Variants in RGS7 observed in about 807,000 individuals in gnomAD.
RGS7 encodes the protein regulator of G-protein signaling 7.
RGS7 carries 27 observed loss-of-function variants against 81.1 expected under a neutral mutation model. That is an observed-to-expected ratio of 0.33 (90% confidence interval 0.25 to 0.46). RGS7 has a LOEUF of 0.46. Ranked by LOEUF, RGS7 falls within the 20% of genes least tolerant of loss-of-function variation. The pLI is 1.00. For synonymous variants in RGS7, 208 were observed against 207.7 expected (o/e 1.00, Z -0.01); for missense variants, 396 against 607.4 (o/e 0.65, Z 3.66).
intron 2 of RGS7, among the ~76,000 whole-genome samples, chr1:241,156,713 G>A (rs983825034): frequency 6.6e-6 from 1 of 152,090 alleles, no homozygotes; most frequent in Non-Finnish European, 1.5e-5. Flanking sequence ...CCCAGCTGCA[G>A]AGAACTGCCT....
intron 3 of RGS7, among the ~76,000 whole-genome samples, chr1:241,079,612 T>A (rs951378609): frequency 6.6e-6 from 1 of 152,112 alleles, no homozygotes; most frequent in African/African-American, 2.4e-5. Flanking sequence ...GGAGCTCTTC[T>A]ACTTATGATT....
intron 3 of RGS7, among the ~76,000 whole-genome samples, chr1:241,076,480 G>A (rs1166625392): frequency 6.6e-6 from 1 of 152,118 alleles, no homozygotes; most frequent in East Asian, 1.9e-4. Context: ...CTGAACAGAC[G>A]ATCTGAAGCT....
intron 2 of RGS7, among the ~76,000 whole-genome samples, chr1:241,285,501 T>A (rs2078761565): frequency 6.6e-6 from 1 of 152,182 alleles, no homozygotes; most frequent in Non-Finnish European, 1.5e-5. Context: ...CAAGAGTCTG[T>A]CTTAGATATT....
At chr1:240,855,940 G>C (rs867584135) in intron 9 of RGS7, among the ~76,000 whole-genome samples, 1 of 152,010 alleles carries the variant, frequency 6.6e-6, no homozygotes, top group Non-Finnish European at 1.5e-5. Flanking sequence ...TTTATGACTA[G>C]AAAGGTTAAA....
intron 3 of RGS7, among the ~76,000 whole-genome samples, chr1:240,989,240 C>G (rs1686107058): frequency 6.6e-6 from 1 of 151,302 alleles, no homozygotes; most frequent in Non-Finnish European, 1.5e-5. Flanking sequence ...GAGATGGAGA[C>G]CATCCTGGCC....
chr1:241,248,150 C>T (rs1344895043), intron 2 of RGS7, among the ~76,000 whole-genome samples: 1 of 151,834 alleles, frequency 6.6e-6, no homozygotes, highest in African/African-American at 2.4e-5. Context: ...TATGATTTTA[C>T]CCTTTTTATG....
intron 2 of RGS7, among the ~76,000 whole-genome samples, chr1:241,299,841 C>T (rs184006022): frequency 2.1e-4 from 30 of 141,426 alleles, no homozygotes; most frequent in Non-Finnish European, 4.0e-4. Flanking sequence ...AAAGGCTGGG[C>T]ACAGTTGCTC....
chr1:241,130,873 T>C (rs1363666884), intron 2 of RGS7, among the ~76,000 whole-genome samples: 1 of 148,802 alleles, frequency 6.7e-6, no homozygotes, highest in East Asian at 2.0e-4. Flanking sequence ...CCATCTTTGA[T>C]GATATGTGTT....
At chr1:240,793,611 A>ATTTT (rs1205854418) in intron 18 of RGS7, among the ~76,000 whole-genome samples, 8 of 78,790 alleles carry the variant, frequency 1.0e-4, no homozygotes, top group South Asian at 4.2e-4. Context: ...ATATATATAT[A>ATTTT]TTTTTTTTTT....
intron 2 of RGS7, among the ~76,000 whole-genome samples, chr1:241,280,143 G>A (rs74339347): frequency 0.029 from 4,390 of 152,248 alleles, 86 homozygotes; most frequent in Middle Eastern, 0.054. Context: ...ACTGTAGTTG[G>A]GTGGGCCTCT....
At chr1:241,079,787 T>C (rs1251812638) in intron 3 of RGS7, among the ~76,000 whole-genome samples, 1 of 152,046 alleles carries the variant, frequency 6.6e-6, no homozygotes, top group Non-Finnish European at 1.5e-5. Flanking sequence ...GTTAATGCAT[T>C]AATTCAAAGA....
chr1:241,306,918 A>T (rs899451822), intron 2 of RGS7, among the ~76,000 whole-genome samples: 10 of 152,240 alleles, frequency 6.6e-5, no homozygotes, highest in African/African-American at 2.4e-4. Context: ...ATGGCGTCCC[A>T]GTATTTTCTT....
chr1:241,290,870 C>G (rs927143109), intron 2 of RGS7, among the ~76,000 whole-genome samples: 3 of 152,170 alleles, frequency 2.0e-5, no homozygotes, highest in Non-Finnish European at 4.4e-5. Flanking sequence ...AATACGAACT[C>G]TACTTTTTAA....
At chr1:240,933,657 A>G (rs1046934569) in intron 5 of RGS7, among the ~76,000 whole-genome samples, 2 of 151,902 alleles carry the variant, frequency 1.3e-5, no homozygotes, top group African/African-American at 4.8e-5. Context: ...GAGTTTCTTG[A>G]TTTTTCAATA....
intron 7 of RGS7, among the ~76,000 whole-genome samples, chr1:240,869,841 G>A (rs1315112277): frequency 2.6e-5 from 4 of 152,208 alleles, no homozygotes; most frequent in African/African-American, 9.6e-5. Flanking sequence ...TCCAGAGGCT[G>A]AAGCAGGAGA....
At chr1:240,810,479 C>T (rs555883048) in intron 14 of RGS7, among the ~76,000 whole-genome samples, 133 of 132,376 alleles carry the variant, frequency 1.0e-3, no homozygotes, top group Non-Finnish European at 1.8e-3. Context: ...CAGAGTCTTG[C>T]TCTGTTGCCC....
chr1:241,136,681 G>A (rs915099690), intron 2 of RGS7, among the ~76,000 whole-genome samples: 3 of 152,164 alleles, frequency 2.0e-5, no homozygotes, highest in Non-Finnish European at 4.4e-5. Flanking sequence ...AGAAGATTAC[G>A]TGTTTTGTTC....
intron 2 of RGS7, among the ~76,000 whole-genome samples, chr1:241,287,095 T>C (rs1021925020): frequency 1.3e-5 from 2 of 152,234 alleles, no homozygotes; most frequent in Non-Finnish European, 2.9e-5. Context: ...AGAAAAGTCA[T>C]GATGTGTCAG....
At chr1:240,937,548 G>T (rs987216594) in intron 4 of RGS7, among the ~76,000 whole-genome samples, 1 of 152,190 alleles carries the variant, frequency 6.6e-6, no homozygotes, top group African/African-American at 2.4e-5. Context: ...AAATGGGAAG[G>T]CTCTTCTCAA....
Sources: gnomAD v4.1 joint callset for allele counts (sites outside exome capture counted in the v4.1 genomes callset) on GRCh38, gnomAD v4.1.1 for gene constraint, MANE v1.5 for transcripts, NCBI Gene and HGNC (gene_info 2026-07-23, HGNC 2026-07-21) for gene names.